ADGRB3: variants seen among roughly 807,000 people sequenced by gnomAD.
ADGRB3 encodes adhesion G protein-coupled receptor B3.
In ADGRB3, 37 loss-of-function variants were observed where a neutral mutation model predicts 193.4. The ratio of observed to expected loss-of-function variants is 0.19; its 90% confidence interval spans 0.15 to 0.25. The LOEUF (loss-of-function observed/expected upper bound fraction) is 0.25, where lower values mean the gene tolerates loss of function less well. Among genes scored for constraint, ADGRB3 ranks in the 10% least tolerant of loss-of-function variants. The probability of loss-of-function intolerance (pLI) is 1.00; values close to 1 mark genes in which losing one functional copy is unlikely to be tolerated. For missense variants in ADGRB3, 1,637 were observed against 1,852.9 expected (o/e 0.88, Z 2.14); for synonymous variants, 690 against 644.2 (o/e 1.07, Z -1.08).
At chr6:68,808,501 T>A (rs1767452211) in intron 3 of ADGRB3, among the ~76,000 whole-genome samples, 1 of 151,992 alleles carries the variant, frequency 6.6e-6, no homozygotes, top group Non-Finnish European at 1.5e-5. Context: ...CCATTTTCAA[T>A]ACACTACCAA....
intron 12 of ADGRB3, among the ~76,000 whole-genome samples, chr6:69,016,744 A>G (rs527817258): frequency 1.3e-5 from 2 of 152,054 alleles, no homozygotes; most frequent in South Asian, 4.1e-4. Flanking sequence ...AAATAAATTG[A>G]CATGCATTGC....
At chr6:68,938,141 A>C (rs1032085617) in intron 5 of ADGRB3, among the ~76,000 whole-genome samples, 1 of 152,118 alleles carries the variant, frequency 6.6e-6, no homozygotes, top group Non-Finnish European at 1.5e-5. Flanking sequence ...AAGAGTAATA[A>C]TTGCCACTAA....
intron 3 of ADGRB3, among the ~76,000 whole-genome samples, chr6:68,842,363 A>T (rs975609050): frequency 6.6e-6 from 1 of 151,904 alleles, no homozygotes; most frequent in African/African-American, 2.4e-5. Context: ...AATTCAAAAC[A>T]TCATTAGAGG....
chr6:69,237,321 C>T (rs1396873061), intron 19 of ADGRB3, among the ~76,000 whole-genome samples: 3 of 151,936 alleles, frequency 2.0e-5, no homozygotes, highest in Non-Finnish European at 4.4e-5. Context: ...GTATTTTATA[C>T]ATAATAGGCT....
At chr6:69,091,052 T>C (rs963629986) in intron 17 of ADGRB3, among the ~76,000 whole-genome samples, 9 of 152,150 alleles carry the variant, frequency 5.9e-5, no homozygotes, top group African/African-American at 2.2e-4. Flanking sequence ...TTCAACACCA[T>C]TGATCTTTAG....
At chr6:69,354,392 C>T in intron 27 of ADGRB3, 64 bp downstream of exon 27, 1 of 1,375,338 alleles carries the variant, frequency 7.3e-7, no homozygotes, top group South Asian at 1.2e-5. Context: ...TAAAAGAAAT[C>T]CTTATGAGTA....
At chr6:69,323,000 AT>A (rs1325925868) in intron 20 of ADGRB3, among the ~76,000 whole-genome samples, 1 of 152,134 alleles carries the variant, frequency 6.6e-6, no homozygotes, top group East Asian at 1.9e-4. Flanking sequence ...TTCAATTTGT[AT>A]TAGAATTAAA....
rs1157961188 is a variant in ADGRB3 at position 68,772,910 on chromosome 6, T to A, written c.757+133478T>A. Among the ~76,000 whole-genome samples, 33 of 48,272 alleles carry A rather than the reference T, an allele frequency of 6.8e-4. 1 individual carries two copies. Among genetic ancestry groups the A allele is most frequent in the African/African-American group, 2.3e-3 (18 of 7,768 alleles). The allele number at this position is 48,272 out of a possible 152,430, so 31.7% of individuals were successfully genotyped here. ...AAAAAAAAAAATATATATATATATA[T>A]ATATATATATATATATATATATACA... On this transcript the variant is annotated intron_variant, in intron 3 of 31. Coordinates refer to ENST00000370598, the MANE Select transcript of ADGRB3 (RefSeq NM_001704.3).
chr6:69,017,728 G>C (rs1770137880), intron 12 of ADGRB3, among the ~76,000 whole-genome samples: 1 of 151,904 alleles, frequency 6.6e-6, no homozygotes, highest in Non-Finnish European at 1.5e-5. Context: ...CACTATTAAA[G>C]ATACAATATG....
chr6:69,017,903 G>A (rs187199982), intron 12 of ADGRB3, among the ~76,000 whole-genome samples: 4 of 151,786 alleles, frequency 2.6e-5, no homozygotes, highest in African/African-American at 7.2e-5. Flanking sequence ...CTTACAGTGG[G>A]CATTATAATT....
intron 16 of ADGRB3, 27 bp from the exon 17 acceptor site, chr6:69,075,968 T>C (rs2150312595): frequency 6.3e-7 from 1 of 1,581,520 alleles, no homozygotes; most frequent in South Asian, 1.1e-5. Flanking sequence ...TCAAGATATA[T>C]GCATTCTTTC....
intron 3 of ADGRB3, among the ~76,000 whole-genome samples, chr6:68,853,645 C>T (rs531359126): frequency 4.6e-5 from 7 of 152,072 alleles, no homozygotes; most frequent in African/African-American, 1.4e-4. Flanking sequence ...TTTATCTGCT[C>T]AATCTGGGAA....
At chr6:69,054,325 C>T (rs1233485551) in intron 15 of ADGRB3, among the ~76,000 whole-genome samples, 1 of 151,952 alleles carries the variant, frequency 6.6e-6, no homozygotes, top group African/African-American at 2.4e-5. Flanking sequence ...CATTTGAATT[C>T]CTAATGCTAT....
At chr6:68,945,402 A>G (rs1334500266) in intron 6 of ADGRB3, among the ~76,000 whole-genome samples, 1 of 152,132 alleles carries the variant, frequency 6.6e-6, no homozygotes, top group African/African-American at 2.4e-5. Flanking sequence ...GATCAGTAAC[A>G]TTCTGTCTTA....
At chr6:69,331,049 G>A (rs1019785850) in intron 23 of ADGRB3, among the ~76,000 whole-genome samples, 2 of 152,000 alleles carry the variant, frequency 1.3e-5, no homozygotes, top group African/African-American at 2.4e-5. Flanking sequence ...TGCAGAGGCC[G>A]TCTTATGTGT....
chr6:68,971,407 A>G (rs1485440954), intron 8 of ADGRB3, among the ~76,000 whole-genome samples: 1 of 152,188 alleles, frequency 6.6e-6, no homozygotes, highest in African/African-American at 2.4e-5. Flanking sequence ...TGTGTGTTGG[A>G]AAAGTCTGCC....
intron 16 of ADGRB3, among the ~76,000 whole-genome samples, chr6:69,064,147 T>C (rs1771830010): frequency 2.6e-5 from 4 of 152,036 alleles, no homozygotes; most frequent in Non-Finnish European, 4.4e-5. Flanking sequence ...CTTAGTTTTA[T>C]AGAAAAATGA....
chr6:69,061,648 GT>G (rs1399841914), intron 15 of ADGRB3, among the ~76,000 whole-genome samples: 1 of 151,824 alleles, frequency 6.6e-6, no homozygotes, highest in East Asian at 1.9e-4. Flanking sequence ...TAACCTAAAG[GT>G]TTTAACCTAA....
At chr6:69,019,786 G>A (rs1889877) in intron 13 of ADGRB3, among the ~76,000 whole-genome samples, 64,369 of 151,672 alleles carry the variant, frequency 0.42, 14,339 homozygotes, top group African/African-American at 0.47. Context: ...TTCAGTAATG[G>A]AGGAAGCTGT....
Sources: allele counts gnomAD v4.1 joint callset (sites outside exome capture counted in the v4.1 genomes callset), GRCh38; gene constraint gnomAD v4.1.1; transcripts MANE v1.5; gene names NCBI Gene and HGNC (gene_info 2026-07-23, HGNC 2026-07-21).